Variants in WLS observed in about 807,000 individuals in gnomAD.
WLS encodes protein wntless homolog.
In WLS, 23 loss-of-function variants were observed where a neutral mutation model predicts 62.8. The ratio of observed to expected loss-of-function variants is 0.37; its 90% CI spans 0.26 to 0.52. The LOEUF is 0.52. WLS is among the 20% of genes least tolerant of loss of function. The probability of loss-of-function intolerance (pLI) is 0.92; values close to 1 mark genes in which losing one functional copy is unlikely to be tolerated. For missense variants in WLS, 615 were observed against 697.3 expected (o/e 0.88, Z 1.33); for synonymous variants, 246 against 244.1 (o/e 1.01, Z -0.07).
chr1:68,231,617 C>A, intron 1 of WLS: 2 of 393,456 alleles, frequency 5.1e-6, no homozygotes, highest in East Asian at 1.6e-4. Context: ...GGGTGGAGTG[C>A]GGCGGGAAAG....
chr1:68,176,636 T>C (rs1647271027), intron 2 of WLS, among the ~76,000 whole-genome samples: 1 of 152,196 alleles, frequency 6.6e-6, no homozygotes, highest in Non-Finnish European at 1.5e-5. Context: ...CTCATCTTTT[T>C]TCTCTAATAT....
Position 68,161,787 on chromosome 1 carries a change from G to A in WLS, c.380-2540C>T. ...CGTTGGAGTGCTCTCGATTGTCCCC[G>A]TGTTTTGTGGGCTGGTTGGGAGAGG... On this transcript the variant is annotated intron_variant, in intron 2 of 11. Coordinates refer to ENST00000262348, the MANE Select transcript of WLS (RefSeq NM_024911.7). 3 of 1,601,174 alleles carry A rather than the reference G, an allele frequency of 1.9e-6. No individual in the cohort carries two copies. The Admixed American group carries it at 5.0e-5, about 27-fold the overall frequency.
rs780939913 is a variant in WLS at position 68,153,488 on chromosome 1, C to A, written c.803+29G>T. 6 of 1,613,656 alleles carry A rather than the reference C, an allele frequency of 3.7e-6. No individual in the cohort carries two copies. In the South Asian group the frequency reaches 6.6e-5, roughly 18 times the overall value. ...GGCAGATCATGAGAAGCCAGTATTC[C>A]TGAAGAGCGCTCCAAAACCAGCTCT... On this transcript the variant is annotated intron_variant, in intron 5 of 11. Coordinates refer to ENST00000262348, the MANE Select transcript of WLS (RefSeq NM_024911.7).
chr1:68,100,603 G>A (rs1258219326), intron 11 of WLS: 1 of 152,132 alleles, frequency 6.6e-6, no homozygotes, highest in East Asian at 1.9e-4. Flanking sequence ...TGTCTAAACT[G>A]GCAAAAGTCT....
chr1:68,212,679 C>A (rs1649563423), intron 1 of WLS, among the ~76,000 whole-genome samples: 1 of 152,074 alleles, frequency 6.6e-6, no homozygotes, highest in Non-Finnish European at 1.5e-5. Flanking sequence ...TATGTCATTG[C>A]CTGTCTACTC....
Position 68,216,386 on chromosome 1 carries a change from A to G in WLS, c.106+15808T>C, listed in dbSNP as rs887114983. Among the ~76,000 whole-genome samples the G allele has an allele frequency of 8.0e-4, 122 of 152,210 alleles. 1 individual carries two copies. The highest frequency in any genetic ancestry group is 7.9e-3 in the Admixed American group (120 of 15,282). On this transcript the variant is annotated intron_variant, in intron 1 of 11. Transcript: ENST00000262348. Reference sequence around the variant, plus strand: ...AAGATCAAATAAGATGATTTCTACTAAAGTACCTTCAAGAAGGATAAAAGC... The same window carrying G: ...AAGATCAAATAAGATGATTTCTACTGAAGTACCTTCAAGAAGGATAAAAGC...
At chr1:68,131,062 TTG>T (rs6143260) in intron 11 of WLS, among the ~76,000 whole-genome samples, 49,889 of 145,926 alleles carry the variant, frequency 0.34, 8,584 homozygotes, top group East Asian at 0.43. Context: ...CCAGCTAATT[TTG>T]TGTGTGTGTG....
At position 68,188,359 on chromosome 1, in the gene WLS, T is replaced by A. The variant is rs141764968; in HGVS notation, c.379+5596A>T. ...GTTCCTTTTAGTGGCAGAAGAATGA[T>A]ACAATCCAGTATTTTCATCCACAGC... On this transcript the variant is annotated intron_variant, in intron 2 of 11. Coordinates refer to ENST00000262348, the MANE Select transcript of WLS (RefSeq NM_024911.7). Among the ~76,000 whole-genome samples, 3 of 152,348 alleles carry A rather than the reference T, an allele frequency of 2.0e-5. No individual in the cohort carries two copies. In the East Asian group the frequency reaches 5.8e-4, roughly 29 times the overall value.
intron 6 of WLS, among the ~76,000 whole-genome samples, chr1:68,149,441 C>T (rs1216441325): frequency 6.6e-6 from 1 of 152,178 alleles, no homozygotes; most frequent in African/African-American, 2.4e-5. Context: ...TCTCTGCTCT[C>T]ACACTGCTCT....
chr1:68,209,346 C>A (rs1649413154), intron 1 of WLS, among the ~76,000 whole-genome samples: 1 of 152,186 alleles, frequency 6.6e-6, no homozygotes, highest in African/African-American at 2.4e-5. Flanking sequence ...AATTCATAAC[C>A]ATTACAGTTT....
chr1:68,168,579 C>A (rs1487164971), intron 2 of WLS, among the ~76,000 whole-genome samples: 2 of 152,138 alleles, frequency 1.3e-5, no homozygotes, highest in East Asian at 3.9e-4. Context: ...TAGAGGAAAT[C>A]AGGAATGATT....
chr1:68,115,021 T>C (rs6691251), intron 11 of WLS, among the ~76,000 whole-genome samples: 71,240 of 152,092 alleles, frequency 0.47, 16,959 homozygotes, highest in Middle Eastern at 0.54. Flanking sequence ...GATCTTCTCA[T>C]AATGCTGGTC....
intron 11 of WLS, among the ~76,000 whole-genome samples, chr1:68,106,520 T>C (rs1646146439): frequency 6.6e-6 from 1 of 152,178 alleles, no homozygotes; most frequent in Non-Finnish European, 1.5e-5. Flanking sequence ...TGGGAAAGTA[T>C]ACGGTTATTG....
At chr1:68,105,004 G>T (rs1234413893) in intron 11 of WLS, among the ~76,000 whole-genome samples, 1 of 152,224 alleles carries the variant, frequency 6.6e-6, no homozygotes, top group Non-Finnish European at 1.5e-5. Context: ...GAAGTCTTAG[G>T]CAGTCACTGC....
chr1:68,136,391 T>C (rs1646610683), intron 11 of WLS, among the ~76,000 whole-genome samples: 1 of 152,128 alleles, frequency 6.6e-6, no homozygotes, highest in Admixed American at 6.5e-5. Context: ...ACAATAAATG[T>C]CATGTGGAAA....
chr1:68,150,890 C>A (rs1220053782), intron 5 of WLS, among the ~76,000 whole-genome samples: 1 of 152,208 alleles, frequency 6.6e-6, no homozygotes, highest in African/African-American at 2.4e-5. Flanking sequence ...CAATTCTCTA[C>A]TAAAATATAA....
At chr1:68,137,654 C>T in intron 11 of WLS, 126 bp downstream of exon 11, 1 of 1,090,068 alleles carries the variant, frequency 9.2e-7, no homozygotes, top group Non-Finnish European at 1.3e-6. Context: ...CACCGTCTCC[C>T]AGTGTGAGGA....
intron 1 of WLS, among the ~76,000 whole-genome samples, chr1:68,201,070 T>C (rs919671122): frequency 2.0e-5 from 3 of 152,210 alleles, no homozygotes; most frequent in Non-Finnish European, 2.9e-5. Flanking sequence ...ATATGCTCAA[T>C]TGATTTTCCT....
intron 1 of WLS, among the ~76,000 whole-genome samples, chr1:68,230,582 T>TGTGTAC (rs1553139183): frequency 7.0e-6 from 1 of 142,398 alleles, no homozygotes; most frequent in South Asian, 2.4e-4. Context: ...TGTGTGTGTG[T>TGTGTAC]GCGCGCGTGT....
Sources: allele counts gnomAD v4.1 joint callset (sites outside exome capture counted in the v4.1 genomes callset), GRCh38; gene constraint gnomAD v4.1.1; transcripts MANE v1.5; gene names NCBI Gene and HGNC (gene_info 2026-07-23, HGNC 2026-07-21).